LRRC4C: variants seen among roughly 807,000 people sequenced by gnomAD.
The protein encoded by LRRC4C is leucine rich repeat containing 4C, also known as leucine-rich repeat-containing protein 4C.
Under a neutral mutation model 33.6 loss-of-function variants are expected in LRRC4C, and 5 were observed. The observed-to-expected ratio is 0.15, with a 90% confidence interval of 0.08 to 0.31. LRRC4C has a LOEUF of 0.31. LRRC4C is among the 10% of genes least tolerant of loss of function. The pLI is 1.00. For missense variants in LRRC4C, 560 were observed against 796.7 expected, an observed-to-expected ratio of 0.70 and a Z score of 3.58; for synonymous variants, 329 against 302.0, an observed-to-expected ratio of 1.09 and a Z score of -0.93.
intron 3 of LRRC4C, among the ~76,000 whole-genome samples, chr11:40,515,711 T>A (rs933956934): frequency 2.0e-4 from 31 of 152,140 alleles, no homozygotes; most frequent in Non-Finnish European, 2.2e-4. Context: ...TAATAACATT[T>A]TAAAATGCAG....
intron 6 of LRRC4C, among the ~76,000 whole-genome samples, chr11:40,128,780 G>C (rs748788000): frequency 1.3e-5 from 2 of 152,120 alleles, no homozygotes; most frequent in Non-Finnish European, 2.9e-5. Context: ...TGCCTGCAAT[G>C]TGTATCCTTT....
chr11:41,410,589 C>T (rs1954434434), intron 1 of LRRC4C, among the ~76,000 whole-genome samples: 1 of 151,654 alleles, frequency 6.6e-6, no homozygotes, highest in Non-Finnish European at 1.5e-5. Context: ...TACAGGCGCC[C>T]GCCATCACGC....
At chr11:41,240,013 A>T (rs926890887) in intron 1 of LRRC4C, among the ~76,000 whole-genome samples, 1 of 152,210 alleles carries the variant, frequency 6.6e-6, no homozygotes, top group Non-Finnish European at 1.5e-5. Context: ...TGTGTCCAAT[A>T]TGAAAAATGA....
intron 1 of LRRC4C, among the ~76,000 whole-genome samples, chr11:41,266,857 G>T (rs1949167540): frequency 6.6e-6 from 1 of 152,080 alleles, no homozygotes; most frequent in Non-Finnish European, 1.5e-5. Context: ...ACAACCAAAT[G>T]ATAAATGATT....
intron 3 of LRRC4C, among the ~76,000 whole-genome samples, chr11:40,358,438 G>A (rs1947783007): frequency 6.6e-6 from 1 of 152,022 alleles, no homozygotes; most frequent in African/African-American, 2.4e-5. Flanking sequence ...ATACCACTGT[G>A]CTTGGCTAAT....
intron 2 of LRRC4C, among the ~76,000 whole-genome samples, chr11:40,873,769 C>A (rs564208363): frequency 6.6e-6 from 1 of 152,058 alleles, no homozygotes; most frequent in East Asian, 1.9e-4. Context: ...GTATCACTGG[C>A]GGGAGAATTC....
At chr11:40,820,073 T>A (rs926027409) in intron 2 of LRRC4C, among the ~76,000 whole-genome samples, 1 of 152,030 alleles carries the variant, frequency 6.6e-6, no homozygotes, top group Non-Finnish European at 1.5e-5. Context: ...TAGCACATTC[T>A]ATAAAATGTC....
At chr11:41,388,593 T>C (rs1226347839) in intron 1 of LRRC4C, among the ~76,000 whole-genome samples, 1 of 151,914 alleles carries the variant, frequency 6.6e-6, no homozygotes, top group Non-Finnish European at 1.5e-5. Context: ...CCTTGAAGAA[T>C]CAGTTGAATT....
In LRRC4C at chr11:41,171,139, C is replaced by G. The variant is rs1330140264; in HGVS notation, c.-495-237416G>C. Reference sequence around the variant, plus strand: ...GAGAGGATGTGGAGAAATAGGAACACTTTTACACTGTTGGTGGGACTGTAA... The same window carrying G: ...GAGAGGATGTGGAGAAATAGGAACAGTTTTACACTGTTGGTGGGACTGTAA... On this transcript the variant is annotated intron_variant, in intron 1 of 6. Transcript: ENST00000528697. Among the ~76,000 whole-genome samples, 3 of 149,822 alleles carry G rather than the reference C, an allele frequency of 2.0e-5. No homozygotes were observed. In the East Asian group the frequency reaches 5.8e-4, roughly 29 times the overall value.
intron 4 of LRRC4C, among the ~76,000 whole-genome samples, chr11:40,242,980 A>C (rs1866037792): frequency 6.6e-6 from 1 of 152,198 alleles, no homozygotes; most frequent in Non-Finnish European, 1.5e-5. Context: ...TATTCTTTGA[A>C]GCTCCTCATG....
intron 2 of LRRC4C, among the ~76,000 whole-genome samples, chr11:40,775,682 T>C (rs1327286799): frequency 6.6e-6 from 1 of 152,122 alleles, no homozygotes; most frequent in East Asian, 1.9e-4. Context: ...TTGGCAAAAT[T>C]ATTAGCGTTT....
chr11:40,453,532 A>G (rs532440417), intron 3 of LRRC4C, among the ~76,000 whole-genome samples: 1 of 152,140 alleles, frequency 6.6e-6, no homozygotes, highest in East Asian at 1.9e-4. Context: ...ACTCTTTTAA[A>G]GAAACAAAAG....
intron 2 of LRRC4C, among the ~76,000 whole-genome samples, chr11:40,838,036 C>T (rs956678958): frequency 6.6e-6 from 1 of 152,106 alleles, no homozygotes; most frequent in African/African-American, 2.4e-5. Flanking sequence ...TAATCCCAAA[C>T]ATTGGCTGCT....
intron 5 of LRRC4C, among the ~76,000 whole-genome samples, chr11:40,197,836 A>T (rs1175023985): frequency 1.3e-5 from 2 of 152,214 alleles, no homozygotes; most frequent in Non-Finnish European, 2.9e-5. Flanking sequence ...CTAGCACAGT[A>T]CTTCATATCT....
chr11:40,983,577 A>G (rs986790926), intron 1 of LRRC4C, among the ~76,000 whole-genome samples: 10 of 152,218 alleles, frequency 6.6e-5, no homozygotes, highest in Non-Finnish European at 1.5e-4. Context: ...AGACGGGAGA[A>G]AATTTTTTGC....
At chr11:40,723,784 C>T (rs553418404) in intron 2 of LRRC4C, among the ~76,000 whole-genome samples, 2 of 152,198 alleles carry the variant, frequency 1.3e-5, no homozygotes, top group East Asian at 1.9e-4. Flanking sequence ...TGCAAATAGT[C>T]TAAACACCCA....
At chr11:40,984,601 G>A (rs1457335592) in intron 1 of LRRC4C, among the ~76,000 whole-genome samples, 1 of 152,084 alleles carries the variant, frequency 6.6e-6, no homozygotes, top group Non-Finnish European at 1.5e-5. Context: ...TCAAGATCTG[G>A]ATTAGTTGCC....
At chr11:40,498,338 C>A (rs764093772) in intron 3 of LRRC4C, among the ~76,000 whole-genome samples, 5 of 152,148 alleles carry the variant, frequency 3.3e-5, no homozygotes, top group Non-Finnish European at 7.4e-5. Flanking sequence ...ATTAAAAATA[C>A]CTTCATGTGC....
intron 1 of LRRC4C, among the ~76,000 whole-genome samples, chr11:41,185,412 G>A (rs2136180860): frequency 6.6e-6 from 1 of 152,296 alleles, no homozygotes; most frequent in East Asian, 1.9e-4. Context: ...CCAAAGAAAG[G>A]AGAGAAAGAA....
Sources: allele counts gnomAD v4.1 joint callset (sites outside exome capture counted in the v4.1 genomes callset), GRCh38; gene constraint gnomAD v4.1.1; transcripts MANE v1.5; gene names NCBI Gene and HGNC (gene_info 2026-07-23, HGNC 2026-07-21).